Variants in HUNK observed in about 807,000 individuals in gnomAD.
HUNK encodes hormonally up-regulated Neu-associated kinase.
HUNK carries 21 observed loss-of-function variants against 61.0 expected under a neutral mutation model. The observed-to-expected ratio is 0.34, with a 90% CI of 0.24 to 0.50. The LOEUF is 0.50. Ranked by LOEUF, HUNK falls within the 20% of genes least tolerant of loss-of-function variation. The pLI is 0.98. For missense variants in HUNK, 772 were observed against 945.7 expected, an observed-to-expected ratio of 0.82 and a Z score of 2.41; for synonymous variants, 371 against 386.1, an observed-to-expected ratio of 0.96 and a Z score of 0.46.
chr21:31,903,951 C>G (rs2052487467), intron 1 of HUNK, among the ~76,000 whole-genome samples: 1 of 152,158 alleles, frequency 6.6e-6, no homozygotes, highest in Admixed American at 6.5e-5. Context: ...ACTCTTCAGT[C>G]GTGATGCTGT....
At chr21:31,897,848 T>G (rs1189496632) in intron 1 of HUNK, among the ~76,000 whole-genome samples, 1 of 152,136 alleles carries the variant, frequency 6.6e-6, no homozygotes, top group Admixed American at 6.5e-5. Flanking sequence ...GGGTGCTGCC[T>G]GGACCTTCTA....
chr21:31,969,506 T>C (rs936590535), intron 6 of HUNK, among the ~76,000 whole-genome samples: 3 of 152,148 alleles, frequency 2.0e-5, no homozygotes, highest in African/African-American at 7.2e-5. Flanking sequence ...ATGGGCTCCC[T>C]GTGCAGCCCA....
chr21:32,003,309 T>G lies in HUNK; in HGVS notation c.*4125T>G, dbSNP rs1192910159. 1 of 152,248 alleles carries G rather than the reference T, an allele frequency of 6.6e-6. No homozygotes were observed. Among genetic ancestry groups the G allele is most frequent in the Non-Finnish European group, 1.5e-5 (1 of 68,048 alleles). 9.4% of individuals were successfully genotyped at this position (152,248 alleles called of 1,614,324 possible). A position where few individuals can be genotyped will look rare whatever the true frequency, so the allele number is the denominator to read the frequency against. On this transcript the variant is annotated 3_prime_UTR_variant, in exon 11 of 11. Transcript: ENST00000270112. The stretch of plus-strand genomic sequence containing the variant: ...GGGAAAGACAGCTTTCTTTGGGAAC[T>G]CTGTCTTTCTCAGTTGACTTCCCAA...
At chr21:31,884,665 A>G (rs901176010) in intron 1 of HUNK, among the ~76,000 whole-genome samples, 2 of 152,154 alleles carry the variant, frequency 1.3e-5, no homozygotes, top group Non-Finnish European at 2.9e-5. Flanking sequence ...GACTCAGTGA[A>G]AAGGTGCCAT....
chr21:31,926,693 A>G (rs755800247), intron 2 of HUNK, among the ~76,000 whole-genome samples: 19 of 152,028 alleles, frequency 1.2e-4, no homozygotes, highest in Non-Finnish European at 2.5e-4. Flanking sequence ...CCTTTTTATG[A>G]CTGCATAATA....
intron 4 of HUNK, 67 bp from the exon 5 acceptor site, chr21:31,958,776 C>T (rs945757941): frequency 5.0e-5 from 73 of 1,455,898 alleles, no homozygotes; most frequent in Admixed American, 2.7e-4. Flanking sequence ...CGGTGAAGCC[C>T]GTGTCCCCAG....
At chr21:31,894,420 A>C (rs936771390) in intron 1 of HUNK, among the ~76,000 whole-genome samples, 1 of 152,168 alleles carries the variant, frequency 6.6e-6, no homozygotes, top group Non-Finnish European at 1.5e-5. Context: ...CAGAATACTC[A>C]CTGCTGGGGA....
chr21:31,940,316 C>A, intron 3 of HUNK, 96 bp downstream of exon 3: 1 of 682,002 alleles, frequency 1.5e-6, no homozygotes, highest in Non-Finnish European at 2.4e-6. Flanking sequence ...TCTCTAATAC[C>A]CAGACAATAT....
At chr21:31,975,097 G>A (rs1056225930) in intron 7 of HUNK, among the ~76,000 whole-genome samples, 1 of 151,754 alleles carries the variant, frequency 6.6e-6, no homozygotes, top group African/African-American at 2.4e-5. Context: ...AGTGCCTCCC[G>A]GGCATTTGTC....
intron 1 of HUNK, among the ~76,000 whole-genome samples, chr21:31,910,463 A>G (rs978505901): frequency 6.7e-6 from 1 of 149,326 alleles, no homozygotes; most frequent in African/African-American, 2.5e-5. Context: ...ATCTTTCTGT[A>G]TCTGCAGGGA....
intron 4 of HUNK, among the ~76,000 whole-genome samples, chr21:31,949,915 T>C (rs73354616): frequency 0.083 from 12,576 of 152,144 alleles, 1,774 homozygotes; most frequent in African/African-American, 0.29. Flanking sequence ...TCATCCTATC[T>C]GCCTAACAAC....
intron 1 of HUNK, among the ~76,000 whole-genome samples, chr21:31,902,742 C>A (rs2052477693): frequency 6.6e-6 from 1 of 152,110 alleles, no homozygotes; most frequent in African/African-American, 2.4e-5. Context: ...TTATTGACAG[C>A]TAAACTAGTT....
Position 31,946,109 on chromosome 21 carries a change from C to T in HUNK, c.684C>T (p.Ala228=), listed in dbSNP as rs757152359. 6.2e-7 allele frequency: 1 copy of T among 1,613,576 alleles called. No homozygotes were observed. Among genetic ancestry groups the T allele is most frequent in the African/African-American group, 1.3e-5 (1 of 74,900 alleles). The change falls in exon 4 of 11, where the codon GCC becomes GCT. Residue 228 remains alanine, a synonymous_variant. Coordinates refer to ENST00000270112, the MANE Select transcript of HUNK (RefSeq NM_014586.2). The part of the protein sequence containing the change: ...DPFSTQCGSP[A]YAAPELLARK... ...TCAGCACACAGTGTGGCAGCCCTGC[C>T]TACGCTGCACCTGAACTGCTCGCCA...
Position 31,999,524 on chromosome 21 carries a change from A to C in HUNK, c.*340A>C, listed in dbSNP as rs1391837412. ...TGGGGCACTCAGATTATGGACTGTT[A>C]CCAGATCTTTCTTCACGCTGTGCTA... On this transcript the variant is annotated 3_prime_UTR_variant, in exon 11 of 11. Coordinates refer to ENST00000270112, the MANE Select transcript of HUNK (RefSeq NM_014586.2). The C allele has an allele frequency of 2.2e-5, 6 of 278,728 alleles. No individual in the cohort carries two copies. The highest frequency in any genetic ancestry group is 1.1e-4 in the African/African-American group (5 of 46,242). 17.3% of individuals were successfully genotyped at this position (278,728 alleles called of 1,614,324 possible).
rs375970340 is a variant in HUNK, at chr21:31,968,424, G to A, written c.1010+39G>A. 28 of 1,611,922 alleles carry A rather than the reference G, an allele frequency of 1.7e-5. No individual in the cohort carries two copies. The African/African-American group carries it at 2.8e-4, about 16-fold the overall frequency. Reference sequence around the variant, plus strand: ...CCCAGAGGAACTCCTCGGGAGAGACGGGGCCTGTCCTACTAGCCCTGAGCA... The same window carrying A: ...CCCAGAGGAACTCCTCGGGAGAGACAGGGCCTGTCCTACTAGCCCTGAGCA... On this transcript the variant is annotated intron_variant, in intron 6 of 10. Transcript: ENST00000270112.
At chr21:31,932,382 G>A (rs1601384833) in intron 2 of HUNK, among the ~76,000 whole-genome samples, 2 of 152,162 alleles carry the variant, frequency 1.3e-5, no homozygotes, top group East Asian at 1.9e-4. Context: ...GTTTATGGCG[G>A]CCAGTCTCAG....
chr21:31,898,107 G>C (rs1305296038), intron 1 of HUNK, among the ~76,000 whole-genome samples: 2 of 152,134 alleles, frequency 1.3e-5, no homozygotes, highest in Non-Finnish European at 1.5e-5. Flanking sequence ...ACCCCCCGCT[G>C]GTCTGGCTTC....
intron 5 of HUNK, among the ~76,000 whole-genome samples, chr21:31,965,594 C>CTTTTTTTTTTTT (rs71193162): frequency 2.7e-4 from 35 of 127,458 alleles, no homozygotes; most frequent in Non-Finnish European, 3.7e-4. Flanking sequence ...CTTTGTTTTT[C>CTTTTTTTTTTTT]TTTTTTTTTT....
chr21:31,956,927 A>G (rs997060658), intron 4 of HUNK, among the ~76,000 whole-genome samples: 1 of 152,270 alleles, frequency 6.6e-6, no homozygotes, highest in East Asian at 1.9e-4. Flanking sequence ...AAATAGCTCT[A>G]TGTGTGCCTT....
Sources: allele counts gnomAD v4.1 joint callset (sites outside exome capture counted in the v4.1 genomes callset), GRCh38; gene constraint gnomAD v4.1.1; transcripts MANE v1.5; gene names NCBI Gene and HGNC (gene_info 2026-07-23, HGNC 2026-07-21).